Variants in KIF16B observed in about 807,000 individuals in gnomAD.
KIF16B encodes kinesin-like protein KIF16B.
A neutral mutation model predicts 156.3 loss-of-function variants in KIF16B; 98 were observed. That is an observed-to-expected ratio of 0.63 (90% CI 0.53 to 0.74). KIF16B has a LOEUF of 0.74. KIF16B is among the 30% of genes least tolerant of loss of function. The pLI, the probability that KIF16B is intolerant of heterozygous loss-of-function variation, is 0.00. For synonymous variants in KIF16B, 564 were observed against 583.7 expected (o/e 0.97, Z 0.49); for missense variants, 1,421 against 1,606.5 (o/e 0.88, Z 1.97).
intron 1 of KIF16B, among the ~76,000 whole-genome samples, chr20:16,553,571 C>A (rs1021595624): frequency 6.6e-6 from 1 of 152,182 alleles, no homozygotes; most frequent in Non-Finnish European, 1.5e-5. Flanking sequence ...CTCAACTTCC[C>A]CCAAAACACC....
At chr20:16,542,212 T>A (rs2070231852) in intron 1 of KIF16B, among the ~76,000 whole-genome samples, 1 of 152,082 alleles carries the variant, frequency 6.6e-6, no homozygotes, top group Non-Finnish European at 1.5e-5. Flanking sequence ...ACAAAATGAG[T>A]TACCTTAAGA....
intron 12 of KIF16B, among the ~76,000 whole-genome samples, chr20:16,482,610 C>G (rs1431278288): frequency 3.9e-5 from 6 of 152,102 alleles, no homozygotes; most frequent in African/African-American, 1.4e-4. Flanking sequence ...AGTTCTAACA[C>G]CAGAAAACAG....
intron 17 of KIF16B, among the ~76,000 whole-genome samples, chr20:16,400,597 G>T (rs2065628592): frequency 6.6e-6 from 1 of 152,146 alleles, no homozygotes; most frequent in Non-Finnish European, 1.5e-5. Context: ...TAGCCAAAAG[G>T]TGAAAACAAT....
chr20:16,573,409 G>A lies in KIF16B; in HGVS notation c.-134C>T. On this transcript the variant is annotated 5_prime_UTR_variant, in exon 1 of 26. It introduces an in-frame stop codon into an upstream open reading frame of the 5' UTR. Transcript: ENST00000354981. ...CGCCCCTCTGCTCCCGGCCGGACCT[G>A]GAGTTCCGCGGCAGCCCCACCTGCC... 2 of 987,884 alleles carry A rather than the reference G, an allele frequency of 2.0e-6. No individual in the cohort carries two copies. Among genetic ancestry groups the A allele is most frequent in the South Asian group, 1.6e-5 (1 of 63,260 alleles). 61.2% of individuals were successfully genotyped at this position (987,884 alleles called of 1,614,324 possible).
chr20:16,404,010 T>C (rs2065720576), intron 17 of KIF16B, among the ~76,000 whole-genome samples: 1 of 152,276 alleles, frequency 6.6e-6, no homozygotes, highest in African/African-American at 2.4e-5. Context: ...TTTCCCCACA[T>C]GTAAAATGGG....
intron 23 of KIF16B, among the ~76,000 whole-genome samples, chr20:16,343,366 G>C (rs148076580): frequency 2.0e-5 from 3 of 152,252 alleles, no homozygotes; most frequent in African/African-American, 7.2e-5. Flanking sequence ...TAGATATTTG[G>C]TTATGTATAT....
intron 24 of KIF16B, among the ~76,000 whole-genome samples, chr20:16,325,044 C>G (rs1358332989): frequency 2.6e-5 from 4 of 152,000 alleles, no homozygotes; most frequent in Admixed American, 6.6e-5. Context: ...GGATTGAAAA[C>G]AAAAATCCCA....
intron 19 of KIF16B, 103 bp downstream of exon 19, chr20:16,378,702 A>T: frequency 8.1e-7 from 1 of 1,227,126 alleles, no homozygotes; most frequent in Non-Finnish European, 1.1e-6. Flanking sequence ...GAAGGCTAAA[A>T]GAATAAGTTA....
intron 15 of KIF16B, among the ~76,000 whole-genome samples, chr20:16,410,894 A>T (rs1319801755): frequency 6.6e-6 from 1 of 150,918 alleles, no homozygotes; most frequent in African/African-American, 2.4e-5. Flanking sequence ...TGTCCTTGGC[A>T]CCCTTAGTTC....
At chr20:16,470,932 C>T (rs1020406840) in intron 12 of KIF16B, among the ~76,000 whole-genome samples, 3 of 152,004 alleles carry the variant, frequency 2.0e-5, no homozygotes, top group Admixed American at 6.5e-5. Flanking sequence ...TCCGTTCTCA[C>T]CTCGTCTTCC....
chr20:16,295,447 T>C (rs1490830892), intron 25 of KIF16B, among the ~76,000 whole-genome samples: 1 of 151,576 alleles, frequency 6.6e-6, no homozygotes, highest in Non-Finnish European at 1.5e-5. Flanking sequence ...ATAATCTATA[T>C]AGCTATAATC....
At chr20:16,412,425 T>C (rs1221241978) in intron 15 of KIF16B, among the ~76,000 whole-genome samples, 1 of 152,112 alleles carries the variant, frequency 6.6e-6, no homozygotes, top group East Asian at 1.9e-4. Flanking sequence ...GAGGGGATGA[T>C]AGTGTATTAG....
chr20:16,287,507 A>T (rs1244482429), intron 25 of KIF16B, among the ~76,000 whole-genome samples: 5 of 152,218 alleles, frequency 3.3e-5, no homozygotes, highest in Non-Finnish European at 5.9e-5. Context: ...CTTCTTTATG[A>T]GTTTAATGAC....
At chr20:16,488,791 GATAAATTTAGCC>G (rs1341265547) in intron 12 of KIF16B, among the ~76,000 whole-genome samples, 3 of 152,166 alleles carry the variant, frequency 2.0e-5, no homozygotes, top group African/African-American at 7.2e-5. Context: ...TGCAGTTTGA[GATAAATTTAGCC>G]AGGATGAAAA....
At chr20:16,335,827 A>G in intron 24 of KIF16B, 99 bp downstream of exon 24, 1 of 699,252 alleles carries the variant, frequency 1.4e-6, no homozygotes, top group Non-Finnish European at 2.4e-6. Context: ...AGTATCTGAA[A>G]GAGAGAGACA....
chr20:16,450,258 G>A (rs1365486258), intron 12 of KIF16B, among the ~76,000 whole-genome samples: 2 of 152,034 alleles, frequency 1.3e-5, no homozygotes, highest in African/African-American at 4.8e-5. Context: ...CTATACACAC[G>A]CCTCAGTATT....
At chr20:16,382,393 G>A (rs931155206) in intron 17 of KIF16B, among the ~76,000 whole-genome samples, 1 of 152,078 alleles carries the variant, frequency 6.6e-6, no homozygotes, top group African/African-American at 2.4e-5. Context: ...GAAAATAACT[G>A]AGTACCAATA....
At chr20:16,521,065 C>T (rs904930187) in intron 3 of KIF16B, among the ~76,000 whole-genome samples, 4 of 152,084 alleles carry the variant, frequency 2.6e-5, no homozygotes, top group Non-Finnish European at 5.9e-5. Flanking sequence ...TGAGGAAAAA[C>T]CAGTGCAAAA....
intron 12 of KIF16B, among the ~76,000 whole-genome samples, chr20:16,444,041 G>A (rs1365968994): frequency 6.6e-6 from 1 of 152,214 alleles, no homozygotes; most frequent in Non-Finnish European, 1.5e-5. Flanking sequence ...GTGCAAGCCA[G>A]CTATCTAAAC....
Sources: allele counts gnomAD v4.1 joint callset (sites outside exome capture counted in the v4.1 genomes callset), GRCh38; gene constraint gnomAD v4.1.1; transcripts MANE v1.5; gene names NCBI Gene and HGNC (gene_info 2026-07-23, HGNC 2026-07-21).